The following RNF157 variants were observed in gnomAD, a reference collection of about 807,000 sequenced individuals.
RNF157 encodes E3 ubiquitin ligase RNF157.
In RNF157, 55 loss-of-function variants were observed where a neutral mutation model predicts 88.3. That is an observed-to-expected ratio of 0.62 (90% CI 0.50 to 0.78). The LOEUF (loss-of-function observed/expected upper bound fraction) is 0.78, where lower values mean the gene tolerates loss of function less well. RNF157 is among the 30% of genes least tolerant of loss of function. The pLI is 0.00. For missense variants in RNF157, 788 were observed against 860.8 expected, an observed-to-expected ratio of 0.92 and a Z score of 1.06; for synonymous variants, 334 against 341.2, an observed-to-expected ratio of 0.98 and a Z score of 0.23.
chr17:76,212,632 C>T, intron 1 of RNF157, 150 bp from the exon 2 acceptor site: 2 of 573,774 alleles, frequency 3.5e-6, no homozygotes, highest in Non-Finnish European at 6.2e-6. Context: ...GAGGCTGAGG[C>T]AGACAGATCG....
rs755366496 is a variant in RNF157 at position 76,143,328 on chromosome 17, C to G, written c.*1907G>C. On this transcript the variant is annotated 3_prime_UTR_variant, in exon 19 of 19. Coordinates refer to ENST00000269391, the MANE Select transcript of RNF157 (RefSeq NM_052916.3). ...TTTACCTGAATCTCCTTCATCTCAG[C>G]TCCTTCCTCCCTCCTCCCAGGTAAC... 10 of 152,382 alleles carry G rather than the reference C, an allele frequency of 6.6e-5. No homozygotes were observed. Among genetic ancestry groups the G allele is most frequent in the Non-Finnish European group, 1.5e-4 (10 of 68,090 alleles). 9.4% of individuals were successfully genotyped at this position (152,382 alleles called of 1,614,324 possible). A position where few individuals can be genotyped will look rare whatever the true frequency, so the allele number is the denominator to read the frequency against.
chr17:76,153,301 T>C (rs559085689), intron 17 of RNF157: 3 of 152,378 alleles, frequency 2.0e-5, no homozygotes, highest in East Asian at 3.9e-4. Context: ...CCAAACCCCC[T>C]TGGGCTGGGG....
At chr17:76,155,467 C>T (rs1389118345) in intron 15 of RNF157, 95 bp downstream of exon 15, 1 of 1,515,238 alleles carries the variant, frequency 6.6e-7, no homozygotes, top group African/African-American at 1.4e-5. Context: ...ATTTTGGGGG[C>T]TTTGCAGCCA....
intron 1 of RNF157, among the ~76,000 whole-genome samples, chr17:76,231,199 G>A (rs149900997): frequency 0.014 from 2,109 of 152,164 alleles, 49 homozygotes; most frequent in African/African-American, 0.048. Flanking sequence ...GGGTTTCACC[G>A]TGTTAGCCAG....
At chr17:76,220,764 C>A (rs1221793332) in intron 1 of RNF157, among the ~76,000 whole-genome samples, 2 of 152,148 alleles carry the variant, frequency 1.3e-5, no homozygotes. Flanking sequence ...TTGACACCAG[C>A]CTGGCCAACA....
chr17:76,172,200 A>G (rs1002614798), intron 3 of RNF157, among the ~76,000 whole-genome samples: 2 of 152,140 alleles, frequency 1.3e-5, no homozygotes, highest in Admixed American at 1.3e-4. Flanking sequence ...CAGAAAATAG[A>G]TTAGTGGTTA....
chr17:76,223,039 C>T (rs918063083), intron 1 of RNF157, among the ~76,000 whole-genome samples: 4 of 151,576 alleles, frequency 2.6e-5, no homozygotes, highest in Non-Finnish European at 5.9e-5. Flanking sequence ...TACAGGCGCC[C>T]GCCACCATGC....
chr17:76,162,813 A>G, intron 8 of RNF157, 190 bp from the exon 9 acceptor site: 1 of 495,390 alleles, frequency 2.0e-6, no homozygotes, highest in Non-Finnish European at 3.5e-6. Flanking sequence ...AAGAAAGAAA[A>G]TCAAATATTT....
intron 2 of RNF157, among the ~76,000 whole-genome samples, chr17:76,191,673 C>A (rs774258221): frequency 6.6e-6 from 1 of 150,928 alleles, no homozygotes; most frequent in Non-Finnish European, 1.5e-5. Flanking sequence ...CCTAGGAAGG[C>A]TGACGTGGGA....
At position 76,143,296 on chromosome 17, in the gene RNF157, GCTA is replaced by G. The variant is rs899648371; in HGVS notation, c.*1936_*1938del. 3 of 152,268 alleles carry G rather than the reference GCTA, an allele frequency of 2.0e-5. No individual in the cohort carries two copies. Among genetic ancestry groups the G allele is most frequent in the Non-Finnish European group, 4.4e-5 (3 of 68,130 alleles). 9.4% of individuals were successfully genotyped at this position (152,268 alleles called of 1,614,324 possible). A position where few individuals can be genotyped will look rare whatever the true frequency, so the allele number is the denominator to read the frequency against. ...CAGGAAGGGGGTCCTGGCCACTGTG[GCTA>G]CTGTTTACCTGAATCTCCTTCATCT... On this transcript the variant is annotated 3_prime_UTR_variant, in exon 19 of 19. Coordinates refer to ENST00000269391, the MANE Select transcript of RNF157 (RefSeq NM_052916.3).
At chr17:76,191,461 G>A (rs1435486379) in intron 2 of RNF157, among the ~76,000 whole-genome samples, 1 of 152,164 alleles carries the variant, frequency 6.6e-6, no homozygotes, top group East Asian at 1.9e-4. Flanking sequence ...AAATTAGCTG[G>A]GCGTGGTGGC....
At position 76,176,426 on chromosome 17, in the gene RNF157, T is replaced by G. The variant is rs8067190; in HGVS notation, c.208-2636A>C. On this transcript the variant is annotated intron_variant, in intron 2 of 18. Coordinates refer to ENST00000269391, the MANE Select transcript of RNF157 (RefSeq NM_052916.3). This position sits in a 1 kb window ranked among gnomAD's most constrained non-coding sequence, Gnocchi z 4.2. The stretch of plus-strand genomic sequence containing the variant: ...AGGATCAGAGGCAAATTAAAAAAAA[T>G]TTTTTTTCTGCTCTTAGAGTTGTCT... 3.9e-5 allele frequency among the ~76,000 whole-genome samples: 6 copies of G among 152,054 alleles called. No homozygotes were observed. Among genetic ancestry groups the G allele is most frequent in the African/African-American group, 1.4e-4 (6 of 41,388 alleles).
At chr17:76,192,478 C>T (rs564765033) in intron 2 of RNF157, among the ~76,000 whole-genome samples, 27 of 152,272 alleles carry the variant, frequency 1.8e-4, no homozygotes, top group African/African-American at 4.6e-4. Context: ...ATTAGACCAG[C>T]ACATACAGAA....
At chr17:76,205,139 T>A (rs1186571422) in intron 2 of RNF157, among the ~76,000 whole-genome samples, 2 of 150,804 alleles carry the variant, frequency 1.3e-5, no homozygotes, top group Admixed American at 6.6e-5. Context: ...TTTTCTTTTT[T>A]TCTTTCTTTT....
intron 2 of RNF157, among the ~76,000 whole-genome samples, chr17:76,198,280 G>A (rs533350834): frequency 0.035 from 5,301 of 152,188 alleles, 291 homozygotes; most frequent in African/African-American, 0.12. Context: ...TGTTGATACA[G>A]GGACATTCTC....
chr17:76,239,009 G>A (rs1466949587), intron 1 of RNF157, among the ~76,000 whole-genome samples: 1 of 152,168 alleles, frequency 6.6e-6, no homozygotes, highest in Non-Finnish European at 1.5e-5. Flanking sequence ...TCACCTGGCA[G>A]ACACTGGACA....
At chr17:76,226,040 G>A (rs1239146938) in intron 1 of RNF157, 5 of 1,610,398 alleles carry the variant, frequency 3.1e-6, no homozygotes, top group East Asian at 2.2e-5. Context: ...TTTGGGGTGG[G>A]CAGACCCACA....
intron 2 of RNF157, among the ~76,000 whole-genome samples, chr17:76,183,091 T>C (rs972025991): frequency 6.6e-6 from 1 of 151,494 alleles, no homozygotes; most frequent in East Asian, 2.0e-4. Flanking sequence ...TCTGCCACCA[T>C]GCCTGGCTAA....
intron 2 of RNF157, among the ~76,000 whole-genome samples, chr17:76,177,447 G>C (rs926584093): frequency 1.3e-5 from 2 of 151,888 alleles, no homozygotes; most frequent in Non-Finnish European, 2.9e-5. Context: ...GCACATGCTC[G>C]GGGTAGCGCT....
Sources: gnomAD v4.1 joint callset for allele counts (sites outside exome capture counted in the v4.1 genomes callset) on GRCh38, gnomAD v4.1.1 for gene constraint, Gnocchi (gnomAD v3.1) non-coding constraint, MANE v1.5 for transcripts, NCBI Gene and HGNC (gene_info 2026-07-23, HGNC 2026-07-21) for gene names.